RIMKLB: variants seen among roughly 807,000 people sequenced by gnomAD.
RIMKLB encodes the protein beta-citrylglutamate synthase B.
Under a neutral mutation model 32.0 loss-of-function variants are expected in RIMKLB, and 7 were observed. That is an observed-to-expected ratio of 0.22 (90% CI 0.12 to 0.41). The LOEUF (loss-of-function observed/expected upper bound fraction) is 0.41, where lower values mean the gene tolerates loss of function less well. Among genes scored for constraint, RIMKLB ranks in the 10% least tolerant of loss-of-function variants. RIMKLB has a pLI of 1.00. For synonymous variants in RIMKLB, 172 were observed against 185.1 expected (o/e 0.93, Z 0.57); for missense variants, 289 against 498.7 (o/e 0.58, Z 4.00).
At chr12:8,750,435 A>ATC (rs773353281) in intron 3 of RIMKLB, among the ~76,000 whole-genome samples, 14 of 152,358 alleles carry the variant, frequency 9.2e-5, no homozygotes, top group African/African-American at 2.9e-4. Context: ...TATTATAAAA[A>ATC]CAGCTGATAG....
chr12:8,732,158 T>C (rs1325972129), intron 2 of RIMKLB, among the ~76,000 whole-genome samples: 1 of 152,054 alleles, frequency 6.6e-6, no homozygotes, highest in Non-Finnish European at 1.5e-5. Context: ...TTTTTGTAGA[T>C]TTAATGACCA....
chr12:8,771,232 C>G (rs774837861), intron 5 of RIMKLB, among the ~76,000 whole-genome samples: 2 of 152,210 alleles, frequency 1.3e-5, no homozygotes, highest in South Asian at 4.1e-4. Flanking sequence ...CCTGTATGTT[C>G]AGATTCTTCT....
At chr12:8,699,134 A>G (rs1943157432) in intron 1 of RIMKLB, among the ~76,000 whole-genome samples, 1 of 152,192 alleles carries the variant, frequency 6.6e-6, no homozygotes, top group Non-Finnish European at 1.5e-5. Flanking sequence ...GCTCAATGCA[A>G]CTGCTATGTA....
At chr12:8,772,872 GT>G (rs1950519885) in intron 5 of RIMKLB, among the ~76,000 whole-genome samples, 1 of 152,200 alleles carries the variant, frequency 6.6e-6, no homozygotes. Context: ...AAGCCTTTTG[GT>G]TTAGGAATGA....
intron 5 of RIMKLB, among the ~76,000 whole-genome samples, chr12:8,761,549 A>G (rs1314109460): frequency 6.6e-6 from 1 of 152,114 alleles, no homozygotes; most frequent in African/African-American, 2.4e-5. Flanking sequence ...TCTTCAGGCG[A>G]TAATATGATT....
At chr12:8,710,984 A>G (rs951398459) in intron 1 of RIMKLB, among the ~76,000 whole-genome samples, 7 of 151,480 alleles carry the variant, frequency 4.6e-5, no homozygotes, top group Non-Finnish European at 1.0e-4. Flanking sequence ...AAAAAAAAAA[A>G]AAAAATTAGA....
upstream of RIMKLB, among the ~76,000 whole-genome samples, chr12:8,695,589 G>A (rs1942864763): frequency 6.6e-6 from 1 of 151,454 alleles, no homozygotes; most frequent in Non-Finnish European, 1.5e-5. Flanking sequence ...ACCCTCCTGA[G>A]CTTTGTTTTA....
chr12:8,698,159 A>T lies in RIMKLB; in HGVS notation c.-195A>T. On this transcript the variant is annotated 5_prime_UTR_variant, in exon 1 of 6. Coordinates refer to ENST00000535829, the MANE Select transcript of RIMKLB (RefSeq NM_001297776.2). ...CGGGAGCCGCAGTCGGCGGAGGAGA[A>T]AGGAGGCGGCTCCCGGTATCCCGAC... is the stretch of plus-strand genomic sequence containing the variant. 1 of 320,580 alleles carries T rather than the reference A, an allele frequency of 3.1e-6. No individual in the cohort carries two copies. Among genetic ancestry groups the T allele is most frequent in the Non-Finnish European group, 6.2e-6 (1 of 160,064 alleles). The allele number at this position is 320,580 out of a possible 1,614,324, so 19.9% of individuals were successfully genotyped here.
chr12:8,736,477 A>G (rs1165823823), intron 2 of RIMKLB, among the ~76,000 whole-genome samples: 1 of 143,456 alleles, frequency 7.0e-6, no homozygotes, highest in African/African-American at 2.6e-5. Flanking sequence ...TTTCTGAGCT[A>G]TTTAGATCAA....
At position 8,773,941 on chromosome 12, in the gene RIMKLB, T is replaced by C; in HGVS notation, c.*157T>C. Reference sequence around the variant, plus strand: ...GAGAGTGGGAGATAGATGAGACCTCTGCTAGTAAGATGTTACTTTCATTTA... The same window carrying C: ...GAGAGTGGGAGATAGATGAGACCTCCGCTAGTAAGATGTTACTTTCATTTA... On this transcript the variant is annotated 3_prime_UTR_variant, in exon 6 of 6. Transcript: ENST00000535829. The C allele has an allele frequency of 7.0e-7, 1 of 1,419,214 alleles. No individual in the cohort carries two copies. The highest frequency in any genetic ancestry group is 9.2e-7 in the Non-Finnish European group (1 of 1,090,586). 87.9% of individuals were successfully genotyped at this position (1,419,214 alleles called of 1,614,324 possible).
At chr12:8,674,240 C>CA in the RIMKLB span, among the ~76,000 whole-genome samples, 5 of 124,456 alleles carry the variant, frequency 4.0e-5, no homozygotes, top group African/African-American at 6.2e-5. Flanking sequence ...TTTTTTTTTC[C>CA]TTTTTTTTTT....
In RIMKLB at chr12:8,718,651, CTCTATATA is replaced by C. The variant is rs1162314019; in HGVS notation, c.175+4612_175+4619del. Among the ~76,000 whole-genome samples the C allele has an allele frequency of 3.0e-5, 3 of 98,374 alleles. 1 individual carries two copies. The highest frequency in any genetic ancestry group is 1.2e-4 in the African/African-American group (3 of 25,546). 64.5% of individuals were successfully genotyped at this position (98,374 alleles called of 152,430 possible). On this transcript the variant is annotated intron_variant, in intron 2 of 5. Transcript: ENST00000535829. The stretch of plus-strand genomic sequence containing the variant: ...AGCGAGACTCCGTCTCTCTCTCTCT[CTCTATATA>C]TATATATATATGTGTGTGTGTGTGT...
At chr12:8,702,797 G>C (rs1304853375) in intron 1 of RIMKLB, among the ~76,000 whole-genome samples, 2 of 152,166 alleles carry the variant, frequency 1.3e-5, no homozygotes, top group Non-Finnish European at 2.9e-5. Flanking sequence ...TTGGGCTTGA[G>C]AGTAAATGAA....
rs76629598 is a variant in RIMKLB at position 8,691,864 on chromosome 12, A to G, written n.219+10046A>G. Among the ~76,000 whole-genome samples, 213 of 152,274 alleles carry G rather than the reference A, an allele frequency of 1.4e-3. 2 individuals carry two copies. The East Asian group carries it at 0.017, about 12-fold the overall frequency. On this transcript the variant is annotated intron_variant and non_coding_transcript_variant, in intron 1 of 1. Transcript: ENST00000538758. Reference sequence around the variant, plus strand: ...TTTAATCTGTAAATGTTCACTAATCATTCAAGGTGTTGCTGGTGACACAGA... The same window carrying G: ...TTTAATCTGTAAATGTTCACTAATCGTTCAAGGTGTTGCTGGTGACACAGA...
chr12:8,721,353 A>G (rs754541485), intron 2 of RIMKLB, among the ~76,000 whole-genome samples: 1 of 152,300 alleles, frequency 6.6e-6, no homozygotes, highest in South Asian at 2.1e-4. Context: ...TTACCCACCG[A>G]ATTTCTTTCA....
chr12:8,686,210 A>ATAGTGCTGGGATTACAT (rs1160260387), intron 1 of RIMKLB, among the ~76,000 whole-genome samples: 2 of 151,754 alleles, frequency 1.3e-5, no homozygotes, highest in Non-Finnish European at 2.9e-5. Context: ...TTGCCCTCCC[A>ATAGTGCTGGGATTACAT]TAGTGCTGGG....
At chr12:8,734,433 T>C (rs1445631524) in intron 2 of RIMKLB, among the ~76,000 whole-genome samples, 1 of 152,232 alleles carries the variant, frequency 6.6e-6, no homozygotes, top group East Asian at 1.9e-4. Context: ...AGTTTGTTTA[T>C]GTTCTTATGA....
rs910985357 is a variant in RIMKLB at position 8,704,254 on chromosome 12, G to A, written c.-57+5957G>A. 1.6e-4 allele frequency among the ~76,000 whole-genome samples: 24 copies of A among 151,964 alleles called. 1 individual carries two copies. The highest frequency in any genetic ancestry group is 8.3e-4 in the South Asian group (4 of 4,818). On this transcript the variant is annotated intron_variant, in intron 1 of 5. Transcript: ENST00000535829. ...AAAAATTAGCCGGGTGTGGCGGTGT[G>A]TGCTTGTGGTCCCAGCTATTCAGGA...
Position 8,774,572 on chromosome 12 carries a change from CTTTTTT to C in RIMKLB, c.*799_*804del, listed in dbSNP as rs56912350. The C allele has an allele frequency of 1.1e-6, 1 of 889,388 alleles. No homozygotes were observed. Among genetic ancestry groups the C allele is most frequent in the Non-Finnish European group, 1.3e-6 (1 of 762,766 alleles). The allele number at this position is 889,388 out of a possible 1,614,324, so 55.1% of individuals were successfully genotyped here. A position where few individuals can be genotyped will look rare whatever the true frequency, so the allele number is the denominator to read the frequency against. On this transcript the variant is annotated 3_prime_UTR_variant, in exon 6 of 6. Transcript: ENST00000535829. The stretch of plus-strand genomic sequence containing the variant: ...TGAAAGATGTGCTCTGTTAATGTTG[CTTTTTT>C]TTTTTTTTTTAATACATGCTAGTCT...
Sources: allele counts gnomAD v4.1 joint callset (sites outside exome capture counted in the v4.1 genomes callset), GRCh38; gene constraint gnomAD v4.1.1; transcripts MANE v1.5; gene names NCBI Gene and HGNC (gene_info 2026-07-23, HGNC 2026-07-21).